LY6S: variants seen among roughly 807,000 people sequenced by gnomAD.
LY6S encodes lymphocyte antigen 6 family member S.
the LY6S span, among the ~76,000 whole-genome samples, chr8:143,069,491 G>A: frequency 6.6e-6 from 1 of 152,160 alleles, no homozygotes; most frequent in African/African-American, 2.4e-5. Context: ...CCAAGCCTGG[G>A]GACCCAGCCG....
the LY6S span, among the ~76,000 whole-genome samples, chr8:143,043,900 C>G: frequency 6.6e-6 from 1 of 152,206 alleles, no homozygotes; most frequent in Non-Finnish European, 1.5e-5. Flanking sequence ...GTCTCCAACT[C>G]CCGACCTCAG....
chr8:143,067,093 G>A, the LY6S span, among the ~76,000 whole-genome samples: 2 of 152,264 alleles, frequency 1.3e-5, no homozygotes, highest in African/African-American at 4.8e-5. Flanking sequence ...GAGTTCATGT[G>A]AGATGTAATT....
At chr8:143,043,517 G>C in the LY6S span, among the ~76,000 whole-genome samples, 134 of 152,292 alleles carry the variant, frequency 8.8e-4, no homozygotes, top group African/African-American at 3.2e-3. Context: ...AGGGAACCAG[G>C]GTTGTGGCAG....
At chr8:143,067,581 C>T in the LY6S span, among the ~76,000 whole-genome samples, 2 of 152,204 alleles carry the variant, frequency 1.3e-5, no homozygotes, top group African/African-American at 4.8e-5. Flanking sequence ...GCCCAGGAGA[C>T]CGGCACTTAA....
At chr8:143,040,880 G>A in the LY6S span, among the ~76,000 whole-genome samples, 9 of 152,096 alleles carry the variant, frequency 5.9e-5, no homozygotes, top group African/African-American at 1.7e-4. Context: ...ATCACATGTC[G>A]GCAGGTTCCG....
At chr8:143,047,507 A>T in the LY6S span, among the ~76,000 whole-genome samples, 1 of 152,124 alleles carries the variant, frequency 6.6e-6, no homozygotes, top group Non-Finnish European at 1.5e-5. Flanking sequence ...TATCCTTGGG[A>T]TGCAGCCACC....
the LY6S span, chr8:143,043,180 C>G: frequency 7.3e-7 from 1 of 1,367,778 alleles, no homozygotes; most frequent in African/African-American, 1.5e-5. Context: ...ACGCACAGGG[C>G]CCAGGGGCTG....
At chr8:143,061,521 G>A in the LY6S span, among the ~76,000 whole-genome samples, 6 of 152,206 alleles carry the variant, frequency 3.9e-5, no homozygotes, top group African/African-American at 1.4e-4. Context: ...TGGTTGGTTG[G>A]TTGGTTGGTT....
the LY6S span, among the ~76,000 whole-genome samples, chr8:143,054,569 T>G: frequency 2.6e-5 from 4 of 152,182 alleles, no homozygotes; most frequent in Admixed American, 2.6e-4. Flanking sequence ...CACGGAGTTG[T>G]GGGGGGTTGT....
At chr8:143,045,912 G>A in the LY6S span, among the ~76,000 whole-genome samples, 1 of 151,626 alleles carries the variant, frequency 6.6e-6, no homozygotes, top group Non-Finnish European at 1.5e-5. This position sits in a 1 kb window ranked among gnomAD's most constrained non-coding sequence, Gnocchi z 5.3. Context: ...GGAGTACAGT[G>A]GCACAGTCTT....
At chr8:143,059,854 T>C in the LY6S span, 1 of 152,190 alleles carries the variant, frequency 6.6e-6, no homozygotes, top group Non-Finnish European at 1.5e-5. Flanking sequence ...TGTTCATGAG[T>C]GTGGGCGGCA....
At chr8:143,061,724 A>G in the LY6S span, among the ~76,000 whole-genome samples, 1 of 137,776 alleles carries the variant, frequency 7.3e-6, no homozygotes. Context: ...TTGTATATTT[A>G]GTGAGATGGG....
At chr8:143,051,920 C>G in the LY6S span, among the ~76,000 whole-genome samples, 5 of 147,006 alleles carry the variant, frequency 3.4e-5, no homozygotes, top group African/African-American at 1.3e-4. Flanking sequence ...TGCAGTGAGC[C>G]GAGATCGTGC....
At chr8:143,070,481 A>T in the LY6S span, among the ~76,000 whole-genome samples, 65 of 85,326 alleles carry the variant, frequency 7.6e-4, 1 homozygote, top group African/African-American at 4.2e-3. Flanking sequence ...ATATAAATAT[A>T]TATATATATT....
At chr8:143,054,467 A>G in the LY6S span, among the ~76,000 whole-genome samples, 1 of 152,146 alleles carries the variant, frequency 6.6e-6, no homozygotes, top group Non-Finnish European at 1.5e-5. Flanking sequence ...TTTCACTTAC[A>G]GGCCAGAAAA....
chr8:143,073,398 T>G, the LY6S span, among the ~76,000 whole-genome samples: 29 of 99,372 alleles, frequency 2.9e-4, 1 homozygote, highest in Middle Eastern at 7.7e-3. Flanking sequence ...GCCATCATCC[T>G]CGGGGTCCCT....
chr8:143,046,157 T>C, the LY6S span, among the ~76,000 whole-genome samples: 484 of 152,224 alleles, frequency 3.2e-3, 1 homozygote, highest in Non-Finnish European at 5.8e-3. Context: ...CCAGCCCAAT[T>C]TACTCTTTAT....
the LY6S span, among the ~76,000 whole-genome samples, chr8:143,072,345 CGGGGTTCCTG>C: frequency 7.6e-6 from 1 of 132,214 alleles, no homozygotes; most frequent in Non-Finnish European, 1.6e-5. Flanking sequence ...CCGTCGTCCT[CGGGGTTCCTG>C]TTTGAGGAGA....
At chr8:143,069,182 A>C in the LY6S span, among the ~76,000 whole-genome samples, 2 of 152,170 alleles carry the variant, frequency 1.3e-5, no homozygotes, top group Non-Finnish European at 2.9e-5. Flanking sequence ...GTTAATGGGA[A>C]CCAGAGCCCC....
Sources: allele counts gnomAD v4.1 joint callset (sites outside exome capture counted in the v4.1 genomes callset), GRCh38; gene constraint gnomAD v4.1.1; non-coding constraint Gnocchi (gnomAD v3.1); transcripts MANE v1.5; gene names NCBI Gene and HGNC (gene_info 2026-07-23, HGNC 2026-07-21).